UHRF2: variants seen among roughly 807,000 people sequenced by gnomAD.
The protein encoded by UHRF2 is E3 ubiquitin-protein ligase UHRF2.
A neutral mutation model predicts 96.8 loss-of-function variants in UHRF2; 23 were observed. That is an observed-to-expected ratio of 0.24 (90% CI 0.17 to 0.34). UHRF2 has a LOEUF of 0.34. Among genes scored for constraint, UHRF2 ranks in the 10% least tolerant of loss-of-function variants. The pLI, the probability that UHRF2 is intolerant of heterozygous loss-of-function variation, is 1.00. For missense variants in UHRF2, 685 were observed against 981.5 expected, an observed-to-expected ratio of 0.70 and a Z score of 4.04; for synonymous variants, 385 against 332.6, an observed-to-expected ratio of 1.16 and a Z score of -1.72.
intron 4 of UHRF2, among the ~76,000 whole-genome samples, chr9:6,469,658 G>A (rs1823095836): frequency 1.4e-5 from 1 of 71,722 alleles, no homozygotes. Context: ...TTGATGAAAG[G>A]TGTGTGTGTG....
chr9:6,482,205 G>T, intron 8 of UHRF2, 106 bp downstream of exon 8: 3 of 916,168 alleles, frequency 3.3e-6, no homozygotes, highest in Admixed American at 2.1e-5. Flanking sequence ...ACATTCACTT[G>T]TTAGAATGAA....
intron 2 of UHRF2, among the ~76,000 whole-genome samples, chr9:6,427,444 T>G (rs1035116773): frequency 2.0e-5 from 3 of 152,134 alleles, no homozygotes; most frequent in African/African-American, 7.2e-5. Flanking sequence ...CCCAGCACTT[T>G]GGGAGGTCGA....
intron 3 of UHRF2, among the ~76,000 whole-genome samples, chr9:6,450,788 T>C (rs2130817704): frequency 6.6e-6 from 1 of 152,342 alleles, no homozygotes; most frequent in East Asian, 1.9e-4. Context: ...TAATAGTTTT[T>C]GAATGTTTCT....
chr9:6,469,974 A>T (rs534620127), intron 4 of UHRF2, among the ~76,000 whole-genome samples: 2 of 152,272 alleles, frequency 1.3e-5, no homozygotes, highest in Admixed American at 1.3e-4. Context: ...TATCACAAAC[A>T]AGAATGCTAA....
chr9:6,467,946 T>C (rs1822979826), intron 4 of UHRF2, among the ~76,000 whole-genome samples: 1 of 152,174 alleles, frequency 6.6e-6, no homozygotes. Context: ...TGGGTTGGTG[T>C]CTAAGCTTTA....
intron 3 of UHRF2, among the ~76,000 whole-genome samples, chr9:6,451,530 G>A (rs1821863660): frequency 6.6e-6 from 1 of 151,206 alleles, no homozygotes; most frequent in African/African-American, 2.4e-5. Context: ...AGGTTGGAGT[G>A]CAGTGGCGCG....
intron 1 of UHRF2, among the ~76,000 whole-genome samples, chr9:6,416,250 G>C (rs1819592306): frequency 6.6e-6 from 1 of 152,042 alleles, no homozygotes; most frequent in South Asian, 2.1e-4. Flanking sequence ...TTTTAGTAGA[G>C]ACGAGGTTTC....
At chr9:6,437,681 G>A (rs749427937) in intron 3 of UHRF2, among the ~76,000 whole-genome samples, 11 of 151,988 alleles carry the variant, frequency 7.2e-5, no homozygotes, top group Non-Finnish European at 1.6e-4. Flanking sequence ...GCAGTGGTGC[G>A]ATCTCAGGTC....
intron 12 of UHRF2, 47 bp from the exon 13 acceptor site, chr9:6,499,788 G>A (rs140643038): frequency 1.5e-6 from 2 of 1,353,710 alleles, no homozygotes; most frequent in East Asian, 5.3e-5. Context: ...CCCCTTCTCT[G>A]TGAAGCTTAA....
At chr9:6,475,563 C>G (rs974560064) in intron 5 of UHRF2, 63 bp downstream of exon 5, 1 of 878,688 alleles carries the variant, frequency 1.1e-6, no homozygotes, top group Admixed American at 2.6e-5. Flanking sequence ...TTTATTTTTA[C>G]TGGTCAGTGA....
intron 9 of UHRF2, among the ~76,000 whole-genome samples, chr9:6,490,461 C>T (rs1302140496): frequency 6.6e-6 from 1 of 152,136 alleles, no homozygotes; most frequent in Non-Finnish European, 1.5e-5. Flanking sequence ...AACTCCGTCT[C>T]TACTAAAAGT....
At chr9:6,454,868 G>T (rs994146972) in intron 3 of UHRF2, among the ~76,000 whole-genome samples, 1 of 152,178 alleles carries the variant, frequency 6.6e-6, no homozygotes, top group Non-Finnish European at 1.5e-5. Flanking sequence ...ACTTGAGCAT[G>T]CATCGGAATC....
intron 12 of UHRF2, 83 bp downstream of exon 12, chr9:6,498,241 A>G (rs1825078655): frequency 7.0e-7 from 1 of 1,418,690 alleles, no homozygotes; most frequent in Non-Finnish European, 9.5e-7. Flanking sequence ...ACTGGATATA[A>G]CCCACAGCAA....
intron 4 of UHRF2, among the ~76,000 whole-genome samples, chr9:6,467,416 C>T (rs1017359132): frequency 1.3e-5 from 2 of 151,898 alleles, no homozygotes; most frequent in Non-Finnish European, 2.9e-5. Context: ...TATGAGGTAA[C>T]GTATTTATAG....
At chr9:6,416,772 C>G (rs561251154) in intron 1 of UHRF2, among the ~76,000 whole-genome samples, 44 of 152,036 alleles carry the variant, frequency 2.9e-4, no homozygotes, top group African/African-American at 9.4e-4. Context: ...CGTGATCCGC[C>G]CGCCTCGGCC....
At chr9:6,490,129 G>T (rs113429734) in intron 9 of UHRF2, among the ~76,000 whole-genome samples, 80 of 152,300 alleles carry the variant, frequency 5.3e-4, no homozygotes, top group African/African-American at 1.9e-3. Context: ...TTTAGTGTCT[G>T]AGCAATTGTA....
chr9:6,447,359 A>G (rs879416751), intron 3 of UHRF2, among the ~76,000 whole-genome samples: 1 of 152,160 alleles, frequency 6.6e-6, no homozygotes, highest in Non-Finnish European at 1.5e-5. Context: ...TCTCTCCCAA[A>G]CACTCTATAT....
chr9:6,443,191 G>A (rs1489213363), intron 3 of UHRF2, among the ~76,000 whole-genome samples: 1 of 152,140 alleles, frequency 6.6e-6, no homozygotes, highest in Non-Finnish European at 1.5e-5. Flanking sequence ...TTTAACTGTG[G>A]GCAAATGATC....
In UHRF2 at chr9:6,506,668, AC is replaced by A. The variant is rs2130985325; in HGVS notation, c.*490del. 1.3e-5 allele frequency: 2 copies of A among 152,920 alleles called. No individual in the cohort carries two copies. Among genetic ancestry groups the A allele is most frequent in the East Asian group, 3.9e-4 (2 of 5,194 alleles). 9.5% of individuals were successfully genotyped at this position (152,920 alleles called of 1,614,324 possible). A position where few individuals can be genotyped will look rare whatever the true frequency, so the allele number is the denominator to read the frequency against. On this transcript the variant is annotated 3_prime_UTR_variant, in exon 16 of 16. Coordinates refer to ENST00000276893, the MANE Select transcript of UHRF2 (RefSeq NM_152896.3). ...CTTTTTTAACGTCTCTTCTTCCATT[AC>A]AATGTGTGTTTTGCAAGGACAGGTT...
Sources: gnomAD v4.1 joint callset for allele counts (sites outside exome capture counted in the v4.1 genomes callset) on GRCh38, gnomAD v4.1.1 for gene constraint, MANE v1.5 for transcripts, NCBI Gene and HGNC (gene_info 2026-07-23, HGNC 2026-07-21) for gene names.